Variants in PRSS23 observed in about 807,000 individuals in gnomAD.
The protein encoded by PRSS23 is protease, serine 23.
In PRSS23, 25 loss-of-function variants were observed where a neutral mutation model predicts 34.7. That is an observed-to-expected ratio of 0.72 (90% confidence interval 0.53 to 1.01). The LOEUF (loss-of-function observed/expected upper bound fraction) is 1.01, where lower values mean the gene tolerates loss of function less well. Among genes scored for constraint, PRSS23 ranks in the 50% least tolerant of loss-of-function variants. The probability of loss-of-function intolerance (pLI) is 0.00; values close to 1 mark genes in which losing one functional copy is unlikely to be tolerated. For synonymous variants in PRSS23, 176 were observed against 186.6 expected, an observed-to-expected ratio of 0.94 and a Z score of 0.46; for missense variants, 445 against 475.6, an observed-to-expected ratio of 0.94 and a Z score of 0.60.
At chr11:86,812,420 C>T (rs572461871), downstream of PRSS23, among the ~76,000 whole-genome samples, 19 of 152,220 alleles carry the variant, frequency 1.2e-4, no homozygotes, top group South Asian at 2.9e-3. Flanking sequence ...CATTTCTGGG[C>T]GATCAACAAC....
At chr11:86,944,507 C>T (rs184309206) in intron 2 of PRSS23, among the ~76,000 whole-genome samples, 16 of 152,264 alleles carry the variant, frequency 1.1e-4, no homozygotes, top group Admixed American at 3.3e-4. Flanking sequence ...GACCTGCTGA[C>T]CAACCTTCTC....
intron 2 of PRSS23, chr11:86,951,023 CT>C: frequency 8.9e-7 from 1 of 1,119,020 alleles, no homozygotes; most frequent in Non-Finnish European, 1.4e-6. Flanking sequence ...ACGGGGGTCA[CT>C]TAATTGTTGC....
chr11:86,886,861 C>T (rs1948805817), intron 2 of PRSS23, among the ~76,000 whole-genome samples: 2 of 152,078 alleles, frequency 1.3e-5, no homozygotes, highest in South Asian at 2.1e-4. Context: ...ATTGCTTGAA[C>T]CCGGGAGGCA....
chr11:86,948,206 C>T (rs1949259883), intron 2 of PRSS23: 1 of 151,996 alleles, frequency 6.6e-6, no homozygotes, highest in African/African-American at 2.4e-5. Context: ...TGGTGGCTCA[C>T]ACAGGAAGAG....
downstream of PRSS23, among the ~76,000 whole-genome samples, chr11:86,813,530 G>A (rs115416191): frequency 0.021 from 3,123 of 152,262 alleles, 125 homozygotes; most frequent in African/African-American, 0.071. Flanking sequence ...CCCTGGTGGG[G>A]CCTAATCAGG....
chr11:86,864,082 C>CTT (rs1948633853), intron 2 of PRSS23, among the ~76,000 whole-genome samples: 1 of 152,216 alleles, frequency 6.6e-6, no homozygotes, highest in Non-Finnish European at 1.5e-5. Flanking sequence ...TCTCTTCCAA[C>CTT]AACTCTATGA....
Position 86,847,433 on chromosome 11 carries a change from A to C in PRSS23, c.206+23840A>C, listed in dbSNP as rs369917600. Among the ~76,000 whole-genome samples, 59 of 152,274 alleles carry C rather than the reference A, an allele frequency of 3.9e-4. No individual in the cohort carries two copies. In the East Asian group the frequency reaches 6.4e-3, roughly 16 times the overall value. On this transcript the variant is annotated intron_variant, in intron 2 of 2. Transcript: ENST00000533902. ...ATGGGTGCATGGCAGGGGCAAGGGA[A>C]GTTTCCATCCTGCCAGTAAGCATGG... is the stretch of plus-strand genomic sequence containing the variant.
intron 2 of PRSS23, chr11:86,936,864 C>G (rs964451990): frequency 2.2e-5 from 3 of 139,380 alleles, no homozygotes; most frequent in Non-Finnish European, 4.6e-5. Context: ...GCACTCCAGC[C>G]TGGGTGACAG....
chr11:86,939,453 A>G (rs1949192356), intron 2 of PRSS23, among the ~76,000 whole-genome samples: 1 of 118,684 alleles, frequency 8.4e-6, no homozygotes. Flanking sequence ...AAAATTGCAA[A>G]TGTTCAGGAC....
intron 2 of PRSS23, chr11:86,832,737 T>C (rs1948369407): frequency 6.9e-6 from 2 of 291,806 alleles, no homozygotes; most frequent in South Asian, 6.9e-5. Context: ...GACCCACAGG[T>C]GGAGAAGGCT....
intron 1 of PRSS23, among the ~76,000 whole-genome samples, chr11:86,804,300 T>A (rs1565349024): frequency 6.6e-6 from 1 of 152,214 alleles, no homozygotes; most frequent in Non-Finnish European, 1.5e-5. Flanking sequence ...CTAATCAGTT[T>A]GAAGTAATTT....
chr11:86,864,084 A>G (rs543432811), intron 2 of PRSS23, among the ~76,000 whole-genome samples: 1 of 152,120 alleles, frequency 6.6e-6, no homozygotes, highest in African/African-American at 2.4e-5. Context: ...TCTTCCAACA[A>G]CTCTATGAGG....
intron 2 of PRSS23, among the ~76,000 whole-genome samples, chr11:86,917,698 T>A (rs964165184): frequency 1.3e-4 from 20 of 152,230 alleles, no homozygotes; most frequent in Non-Finnish European, 5.9e-5. Context: ...CCACAGTGGC[T>A]GTGTCCCATA....
chr11:86,877,441 C>T (rs1443266286), intron 2 of PRSS23, among the ~76,000 whole-genome samples: 2 of 152,158 alleles, frequency 1.3e-5, no homozygotes, highest in African/African-American at 4.8e-5. Context: ...TCTTTGGATT[C>T]ATTTTAAACA....
At chr11:86,826,557 C>A (rs1185341688) in intron 2 of PRSS23, among the ~76,000 whole-genome samples, 1 of 152,190 alleles carries the variant, frequency 6.6e-6, no homozygotes, top group East Asian at 1.9e-4. Flanking sequence ...GAGAGGGCAT[C>A]CCTGTCTTGT....
At chr11:86,869,199 A>G (rs1014252594) in intron 2 of PRSS23, among the ~76,000 whole-genome samples, 1 of 152,234 alleles carries the variant, frequency 6.6e-6, no homozygotes. Flanking sequence ...AGGTAGACAA[A>G]CATAACAGAT....
intron 2 of PRSS23, among the ~76,000 whole-genome samples, chr11:86,826,021 T>A (rs1316850097): frequency 2.0e-5 from 3 of 152,186 alleles, no homozygotes; most frequent in African/African-American, 7.2e-5. Context: ...GTGAAGAAAG[T>A]CATTGGTAGC....
intron 2 of PRSS23, among the ~76,000 whole-genome samples, chr11:86,880,905 T>C (rs1275027344): frequency 1.3e-5 from 2 of 152,242 alleles, no homozygotes; most frequent in Non-Finnish European, 2.9e-5. Context: ...TTCTTCAACC[T>C]TGCAGAATTT....
At chr11:86,876,205 GT>G (rs5793221) in intron 2 of PRSS23, among the ~76,000 whole-genome samples, 72,839 of 151,472 alleles carry the variant, frequency 0.48, 18,562 homozygotes, top group African/African-American at 0.66. Context: ...AAATTTCGGA[GT>G]AAACATCACC....
Sources: allele counts gnomAD v4.1 joint callset (sites outside exome capture counted in the v4.1 genomes callset), GRCh38; gene constraint gnomAD v4.1.1; transcripts MANE v1.5; gene names NCBI Gene and HGNC (gene_info 2026-07-23, HGNC 2026-07-21).